Variants in DNA2 observed in about 807,000 individuals in gnomAD.
DNA2 encodes the protein DNA replication helicase/nuclease 2, also known as DNA replication ATP-dependent helicase/nuclease DNA2.
DNA2 carries 101 observed loss-of-function variants against 119.1 expected under a neutral mutation model. The observed-to-expected ratio is 0.85, with a 90% CI of 0.72 to 1.00. The LOEUF is 1.00. DNA2 is among the 50% of genes least tolerant of loss of function. DNA2 has a pLI of 0.00. For missense variants in DNA2, 1,121 were observed against 1,255.5 expected (o/e 0.89, Z 1.62); for synonymous variants, 366 against 424.4 (o/e 0.86, Z 1.69).
At chr10:68,447,535 A>AT (rs2052057122) in intron 6 of DNA2, among the ~76,000 whole-genome samples, 1 of 150,812 alleles carries the variant, frequency 6.6e-6, no homozygotes, top group African/African-American at 2.4e-5. Context: ...AAAAAAAAAA[A>AT]AAAATTAGCC....
Position 68,431,818 on chromosome 10 carries a change from T to C in DNA2, c.1983+44A>G, listed in dbSNP as rs771877791. 3.5e-5 allele frequency: 46 copies of C among 1,309,000 alleles called. 1 individual carries two copies. The East Asian group carries it at 5.1e-4, about 14-fold the overall frequency. The allele number at this position is 1,309,000 out of a possible 1,614,324, so 81.1% of individuals were successfully genotyped here. On this transcript the variant is annotated intron_variant, in intron 13 of 20. Coordinates refer to ENST00000358410, the MANE Select transcript of DNA2 (RefSeq NM_001080449.3). ...TACATCCTCTGAACTGAGGAGAAGC[T>C]GATACAAATATTTTGTCTCTAAGCA...
intron 14 of DNA2, among the ~76,000 whole-genome samples, chr10:68,423,826 A>T (rs2051698175): frequency 6.6e-6 from 1 of 152,188 alleles, no homozygotes; most frequent in Non-Finnish European, 1.5e-5. Context: ...TTGGTCAAAG[A>T]AGGCTGAGTG....
At chr10:68,428,922 A>G (rs2051779099) in intron 14 of DNA2, among the ~76,000 whole-genome samples, 2 of 152,192 alleles carry the variant, frequency 1.3e-5, no homozygotes, top group African/African-American at 4.8e-5. Context: ...ACATTGTACT[A>G]CAGACTTGCA....
intron 4 of DNA2, among the ~76,000 whole-genome samples, chr10:68,463,143 T>C (rs778337205): frequency 7.6e-6 from 1 of 131,528 alleles, no homozygotes; most frequent in Non-Finnish European, 1.6e-5. Flanking sequence ...AAAAAAAAAA[T>C]CATTAAGATG....
chr10:68,459,306 A>G (rs756087517), intron 4 of DNA2, 71 bp from the exon 5 acceptor site: 18 of 1,408,552 alleles, frequency 1.3e-5, no homozygotes, highest in African/African-American at 1.5e-5. Flanking sequence ...AGCGAATATG[A>G]AAGTATAAAT....
chr10:68,461,838 A>C (rs2052263872), intron 4 of DNA2, among the ~76,000 whole-genome samples: 1 of 143,618 alleles, frequency 7.0e-6, no homozygotes, highest in South Asian at 2.1e-4. Flanking sequence ...CAAAAAAAAA[A>C]AAAAAAAAAA....
chr10:68,455,546 C>T (rs922499432), intron 5 of DNA2, among the ~76,000 whole-genome samples: 1 of 152,092 alleles, frequency 6.6e-6, no homozygotes, highest in African/African-American at 2.4e-5. Context: ...CTCAGCCGGG[C>T]GCAGTGGCTC....
chr10:68,462,845 T>A (rs1210569446), intron 4 of DNA2, among the ~76,000 whole-genome samples: 1 of 152,178 alleles, frequency 6.6e-6, no homozygotes, highest in Non-Finnish European at 1.5e-5. Context: ...CATTAAAGTA[T>A]AGGCTGGGCA....
chr10:68,471,959 G>C lies in DNA2; in HGVS notation c.-95C>G, dbSNP rs376190465. ...AAAAGGGAAAAAGGCGCGAGCCTGCGCACCTCGCGCGCATGCGCCAACCCG... is the reference window on the plus strand; with the variant it reads ...AAAAGGGAAAAAGGCGCGAGCCTGCCCACCTCGCGCGCATGCGCCAACCCG... On this transcript the variant is annotated 5_prime_UTR_variant, in exon 1 of 21. Coordinates refer to ENST00000358410, the MANE Select transcript of DNA2 (RefSeq NM_001080449.3). 262 of 1,612,422 alleles carry C rather than the reference G, an allele frequency of 1.6e-4. No individual in the cohort carries two copies. The highest frequency in any genetic ancestry group is 1.6e-3 in the Admixed American group (93 of 59,994).
At chr10:68,432,059 C>A in intron 12 of DNA2, 88 bp from the exon 13 acceptor site, 1 of 1,190,224 alleles carries the variant, frequency 8.4e-7, no homozygotes, top group Non-Finnish European at 1.2e-6. Flanking sequence ...AGTCTCTATC[C>A]AAGTCTATTC....
At chr10:68,461,459 T>A (rs1030725278) in intron 4 of DNA2, 1 of 152,124 alleles carries the variant, frequency 6.6e-6, no homozygotes, top group African/African-American at 2.4e-5. Context: ...TCTCAGAAGC[T>A]AAGCAGGGTT....
chr10:68,468,343 C>A, intron 2 of DNA2, 37 bp from the exon 3 acceptor site: 3 of 1,368,506 alleles, frequency 2.2e-6, no homozygotes, highest in Non-Finnish European at 2.9e-6. Flanking sequence ...AAATACATAG[C>A]TTAGGTTCCT....
At chr10:68,426,001 T>C (rs1418570448) in intron 14 of DNA2, among the ~76,000 whole-genome samples, 1 of 150,874 alleles carries the variant, frequency 6.6e-6, no homozygotes, top group Non-Finnish European at 1.5e-5. Flanking sequence ...CCAGGCATGG[T>C]AGTGCATGCC....
intron 14 of DNA2, chr10:68,424,716 G>T: frequency 6.2e-7 from 1 of 1,600,238 alleles, no homozygotes; most frequent in South Asian, 1.1e-5. Flanking sequence ...CCGCAAGGAC[G>T]ACGAGGTCCA....
At chr10:68,467,571 C>T (rs1378917100) in intron 3 of DNA2, among the ~76,000 whole-genome samples, 1 of 152,026 alleles carries the variant, frequency 6.6e-6, no homozygotes, top group African/African-American at 2.4e-5. Context: ...TTTGTTTTGA[C>T]ACAGAGTCTT....
At chr10:68,464,934 CAT>C (rs2052309234) in intron 4 of DNA2, among the ~76,000 whole-genome samples, 1 of 148,886 alleles carries the variant, frequency 6.7e-6, no homozygotes. Context: ...GGGAGAAACA[CAT>C]GAGCCCAGTC....
chr10:68,468,368 T>C, intron 2 of DNA2, 62 bp from the exon 3 acceptor site: 1 of 1,101,632 alleles, frequency 9.1e-7, no homozygotes, highest in Non-Finnish European at 1.2e-6. Context: ...GTAAACGTAT[T>C]AGGGAGGCTT....
intron 20 of DNA2, 27 bp downstream of exon 20, chr10:68,416,682 T>C: frequency 1.3e-6 from 2 of 1,594,412 alleles, no homozygotes; most frequent in Non-Finnish European, 1.7e-6. Context: ...CAATCAAATG[T>C]GACCATATAC....
chr10:68,447,516 C>CAAA (rs1165549043), intron 6 of DNA2, among the ~76,000 whole-genome samples: 714 of 54,628 alleles, frequency 0.013, 31 homozygotes, highest in African/African-American at 0.041. Context: ...GACTTCACCT[C>CAAA]AAAAAAAAAA....
Sources: allele counts gnomAD v4.1 joint callset (sites outside exome capture counted in the v4.1 genomes callset), GRCh38; gene constraint gnomAD v4.1.1; transcripts MANE v1.5; gene names NCBI Gene and HGNC (gene_info 2026-07-23, HGNC 2026-07-21).